CACNA1A: variants seen among roughly 807,000 people sequenced by gnomAD.
CACNA1A encodes the protein calcium voltage-gated channel subunit alpha1 A.
A neutral mutation model predicts 262.4 loss-of-function variants in CACNA1A; 57 were observed. The observed-to-expected ratio is 0.22, with a 90% CI of 0.18 to 0.27. The LOEUF (loss-of-function observed/expected upper bound fraction) is 0.27, where lower values mean the gene tolerates loss of function less well. Among genes scored for constraint, CACNA1A ranks in the 10% least tolerant of loss-of-function variants. The pLI, the probability that CACNA1A is intolerant of heterozygous loss-of-function variation, is 1.00. For synonymous variants in CACNA1A, 1,431 were observed against 1,419.3 expected, an observed-to-expected ratio of 1.01 and a Z score of -0.18; for missense variants, 2,526 against 3,562.8, an observed-to-expected ratio of 0.71 and a Z score of 7.41.
intron 1 of CACNA1A, among the ~76,000 whole-genome samples, chr19:13,479,072 G>A (rs2145071425): frequency 6.6e-6 from 1 of 152,324 alleles, no homozygotes; most frequent in East Asian, 1.9e-4. Context: ...TACTCAGGAG[G>A]CTGAGGCAGG....
Position 13,208,858 on chromosome 19 carries a change from G to A in CACNA1A, c.6678C>T (p.Asp2226=), listed in dbSNP as rs1181604906. The change falls in exon 46 of 47, where the codon GAC becomes GAT. Residue 2226 remains aspartate (D), a synonymous_variant. Coordinates refer to ENST00000360228, the MANE Select transcript of CACNA1A (RefSeq NM_001127222.2). ...HHHHPPPPDK[D]RYAQERPDHG... The stretch of plus-strand genomic sequence containing the variant: ...GGTCCGGCCGTTCCTGGGCATAGCG[G>A]TCCTTGTCGGGGGGCGGGGGATGGT... The A allele has an allele frequency of 1.3e-6, 2 of 1,536,894 alleles. No individual in the cohort carries two copies. Among genetic ancestry groups the A allele is most frequent in the African/African-American group, 2.7e-5 (2 of 73,078 alleles).
At chr19:13,479,809 C>A (rs1342691156) in intron 1 of CACNA1A, among the ~76,000 whole-genome samples, 3 of 152,008 alleles carry the variant, frequency 2.0e-5, no homozygotes, top group African/African-American at 7.2e-5. Flanking sequence ...AAAGGAAGGG[C>A]AAAGAAGAAC....
chr19:13,208,127 G>GA, intron 46 of CACNA1A, 74 bp from the exon 47 acceptor site: 1 of 892,084 alleles, frequency 1.1e-6, no homozygotes, highest in Non-Finnish European at 1.4e-6. Flanking sequence ...GGATTGGGAG[G>GA]AAGAGAGGGG....
intron 3 of CACNA1A, among the ~76,000 whole-genome samples, chr19:13,394,984 C>T (rs953407522): frequency 2.0e-5 from 3 of 152,158 alleles, no homozygotes. Flanking sequence ...AAAAAATTAT[C>T]TGGCCAGCTG....
chr19:13,327,931 C>G (rs2058392643), intron 10 of CACNA1A, among the ~76,000 whole-genome samples: 1 of 152,126 alleles, frequency 6.6e-6, no homozygotes, highest in Non-Finnish European at 1.5e-5. Flanking sequence ...CAGGTTCTCA[C>G]TCTGTTGCCC....
At chr19:13,469,200 C>T (rs1407156867) in intron 1 of CACNA1A, among the ~76,000 whole-genome samples, 1 of 152,148 alleles carries the variant, frequency 6.6e-6, no homozygotes, top group Admixed American at 6.6e-5. Flanking sequence ...CACCAGCAGC[C>T]AAGATCCTGA....
At chr19:13,330,372 C>G (rs757766288) in intron 9 of CACNA1A, 39 bp from the exon 10 acceptor site, 2 of 1,455,798 alleles carry the variant, frequency 1.4e-6, no homozygotes, top group South Asian at 2.4e-5. Context: ...AAAGACGTTA[C>G]CCTTTTTGCA....
intron 20 of CACNA1A, 108 bp from the exon 21 acceptor site, chr19:13,285,314 T>C: frequency 1.6e-6 from 2 of 1,256,824 alleles, no homozygotes. Context: ...ATTTCTAAAG[T>C]GCCTGCTGTA....
intron 5 of CACNA1A, chr19:13,365,083 G>A: frequency 2.8e-6 from 1 of 363,432 alleles, no homozygotes; most frequent in Non-Finnish European, 5.0e-6. Context: ...GGTGCTTCCT[G>A]GGATCATTCC....
chr19:13,278,100 A>T (rs2057193498), intron 22 of CACNA1A, among the ~76,000 whole-genome samples: 1 of 151,652 alleles, frequency 6.6e-6, no homozygotes, highest in African/African-American at 2.4e-5. Flanking sequence ...AAAAAAAAAA[A>T]AATCAGATCC....
In CACNA1A at chr19:13,327,082, T is replaced by C. The variant is rs367783207; in HGVS notation, c.1345+3162A>G. 2.6e-4 allele frequency among the ~76,000 whole-genome samples: 39 copies of C among 152,096 alleles called. 1 individual carries two copies. In the South Asian group the frequency reaches 7.3e-3, roughly 28 times the overall value. On this transcript the variant is annotated intron_variant, in intron 10 of 46. Transcript: ENST00000360228. Reference sequence around the variant, plus strand: ...ATTTGATAGAGACAGGGTCTCACTATGTTGCCTAGGCTGGTCTGAAACTCC... The same window carrying C: ...ATTTGATAGAGACAGGGTCTCACTACGTTGCCTAGGCTGGTCTGAAACTCC...
rs545368463 is a variant in CACNA1A, at chr19:13,312,659, G to A, written c.1668+10C>T. ...TGGAGAAATGAACTCTTAGAAACAA[G>A]AGCACTTACCCCACAGTCAAAGCAG... On this transcript the variant is annotated intron_variant, in intron 12 of 46. Transcript: ENST00000360228. 6.7e-7 allele frequency: 1 copy of A among 1,497,918 alleles called. No homozygotes were observed. The highest frequency in any genetic ancestry group is 1.4e-5 in the African/African-American group (1 of 70,672). The allele number at this position is 1,497,918 out of a possible 1,614,324, so 92.8% of individuals were successfully genotyped here.
chr19:13,209,926 G>T (rs1271011817), intron 44 of CACNA1A, among the ~76,000 whole-genome samples: 1 of 152,214 alleles, frequency 6.6e-6, no homozygotes, highest in Admixed American at 6.5e-5. Flanking sequence ...TCCTGGGAGG[G>T]TGAGAAGCCT....
In CACNA1A at chr19:13,286,654, G is replaced by A. The variant is rs767675502; in HGVS notation, c.3402C>T (p.Pro1134=). The part of the protein sequence containing the change: ...TPNNPGNPSN[P]GPPKTPENSL... ...TATTCTCGGGGGTCTTGGGGGGGCCGGGATTGGATGGGTTCCCCGGGTTGT... is the reference window on the plus strand; with the variant it reads ...TATTCTCGGGGGTCTTGGGGGGGCCAGGATTGGATGGGTTCCCCGGGTTGT... The change falls in exon 20 of 47, where the codon CCC becomes CCT. Residue 1134 remains proline, a synonymous_variant. Transcript: ENST00000360228. The A allele has an allele frequency of 5.8e-6, 9 of 1,545,114 alleles. No homozygotes were observed. Among genetic ancestry groups the A allele is most frequent in the South Asian group, 5.0e-5 (4 of 80,542 alleles).
At chr19:13,479,547 A>T (rs1184661947) in intron 1 of CACNA1A, among the ~76,000 whole-genome samples, 1 of 152,220 alleles carries the variant, frequency 6.6e-6, no homozygotes, top group Non-Finnish European at 1.5e-5. Context: ...CTTTCTCCCA[A>T]GGCAGAGAAA....
rs549692311 is a variant in CACNA1A at position 13,207,247 on chromosome 19, G to A, written c.*66C>T. 873 of 1,440,980 alleles carry A rather than the reference G, an allele frequency of 6.1e-4. 3 individuals carry two copies. Among genetic ancestry groups the A allele is most frequent in the African/African-American group, 2.6e-3 (174 of 66,414 alleles). The allele number at this position is 1,440,980 out of a possible 1,614,324, so 89.3% of individuals were successfully genotyped here. A position where few individuals can be genotyped will look rare whatever the true frequency, so the allele number is the denominator to read the frequency against. On this transcript the variant is annotated 3_prime_UTR_variant, in exon 47 of 47. Transcript: ENST00000360228. This position sits in a 1 kb window ranked among gnomAD's most constrained non-coding sequence, Gnocchi z 5.7. ...TGCTGGGCCCCCGCGGCCTCTGCGC[G>A]GCTCCTCGGGTGGGGTGTGTGCGTG...
chr19:13,241,643 TC>T lies in CACNA1A; in HGVS notation c.4950+3538del. 1 of 477,608 alleles carries T rather than the reference TC, an allele frequency of 2.1e-6. No homozygotes were observed. The highest frequency in any genetic ancestry group is 4.1e-6 in the Non-Finnish European group (1 of 245,076). 29.6% of individuals were successfully genotyped at this position (477,608 alleles called of 1,614,324 possible). A position where few individuals can be genotyped will look rare whatever the true frequency, so the allele number is the denominator to read the frequency against. On this transcript the variant is annotated intron_variant, in intron 31 of 46. Coordinates refer to ENST00000360228, the MANE Select transcript of CACNA1A (RefSeq NM_001127222.2). This position sits in a 1 kb window ranked among gnomAD's most constrained non-coding sequence, Gnocchi z 4.0. The stretch of plus-strand genomic sequence containing the variant: ...TGCCAAAAAACCAATGGGTTTCGGT[TC>T]CCGGGCGGGGAGTGGGGGTGGTGGT...
At chr19:13,448,424 A>C (rs1202078146) in intron 3 of CACNA1A, among the ~76,000 whole-genome samples, 1 of 152,152 alleles carries the variant, frequency 6.6e-6, no homozygotes, top group Non-Finnish European at 1.5e-5. Flanking sequence ...GTGGGTGATG[A>C]AATAACCTGT....
intron 1 of CACNA1A, among the ~76,000 whole-genome samples, chr19:13,501,193 A>T (rs919436554): frequency 2.2e-5 from 2 of 91,040 alleles, no homozygotes; most frequent in Admixed American, 2.2e-4. Flanking sequence ...ACATCAATAA[A>T]TCTATTTTTT....
Sources: gnomAD v4.1 joint callset for allele counts (sites outside exome capture counted in the v4.1 genomes callset) on GRCh38, gnomAD v4.1.1 for gene constraint, Gnocchi (gnomAD v3.1) non-coding constraint, MANE v1.5 for transcripts, NCBI Gene and HGNC (gene_info 2026-07-23, HGNC 2026-07-21) for gene names.